The following EPC1 variants were observed in gnomAD, a reference collection of about 807,000 sequenced individuals.
EPC1 encodes the protein enhancer of polycomb 1.
In EPC1, 12 loss-of-function variants were observed where a neutral mutation model predicts 98.4. The ratio of observed to expected loss-of-function variants is 0.12; its 90% CI spans 0.08 to 0.20. The LOEUF is 0.20. EPC1 is among the 10% of genes least tolerant of loss of function. The pLI is 1.00. For synonymous variants in EPC1, 357 were observed against 363.9 expected (o/e 0.98, Z 0.21); for missense variants, 729 against 990.5 (o/e 0.74, Z 3.54).
At chr10:32,332,148 G>T (rs1837675549) in intron 1 of EPC1, among the ~76,000 whole-genome samples, 1 of 152,194 alleles carries the variant, frequency 6.6e-6, no homozygotes, top group Non-Finnish European at 1.5e-5. Flanking sequence ...TGTTGCAAAG[G>T]AAACAATCAT....
chr10:32,285,066 A>C lies in EPC1; in HGVS notation c.1392-16T>G, dbSNP rs1377456795. 6.3e-7 allele frequency: 1 copy of C among 1,578,402 alleles called. No homozygotes were observed. The highest frequency in any genetic ancestry group is 8.6e-7 in the Non-Finnish European group (1 of 1,156,980). Reference sequence around the variant, plus strand: ...CAGTAAGACCCTATTAAAAAATCAGACAAGAAACAGTTATTTAAAATAGCT... The same window carrying C: ...CAGTAAGACCCTATTAAAAAATCAGCCAAGAAACAGTTATTTAAAATAGCT... On this transcript the variant is annotated splice_polypyrimidine_tract_variant and intron_variant, in intron 9 of 13. Coordinates refer to ENST00000319778, the MANE Select transcript of EPC1 (RefSeq NM_001272004.3).
chr10:32,325,464 A>G (rs1837216887), intron 1 of EPC1, among the ~76,000 whole-genome samples: 1 of 152,242 alleles, frequency 6.6e-6, no homozygotes, highest in Non-Finnish European at 1.5e-5. Flanking sequence ...TAATTTCCAC[A>G]GGAAGGGGCT....
chr10:32,281,346 A>G (rs945367880), intron 10 of EPC1, among the ~76,000 whole-genome samples: 1 of 151,810 alleles, frequency 6.6e-6, no homozygotes, highest in East Asian at 1.9e-4. Context: ...GCCTGGCCTG[A>G]CTCTTCTGTT....
intron 1 of EPC1, among the ~76,000 whole-genome samples, chr10:32,343,500 C>T (rs750563235): frequency 6.6e-6 from 1 of 152,212 alleles, no homozygotes; most frequent in Non-Finnish European, 1.5e-5. Flanking sequence ...CGTGAGCCAC[C>T]GCATCCTGCC....
intron 2 of EPC1, among the ~76,000 whole-genome samples, chr10:32,299,385 C>T (rs1239611085): frequency 6.6e-6 from 1 of 152,010 alleles, no homozygotes; most frequent in East Asian, 1.9e-4. Flanking sequence ...GGGATTTTAC[C>T]ATGTTGGCCG....
intron 1 of EPC1, among the ~76,000 whole-genome samples, chr10:32,356,131 G>A (rs548169536): frequency 1.6e-4 from 24 of 152,166 alleles, no homozygotes; most frequent in Non-Finnish European, 3.2e-4. Flanking sequence ...AGGGCTTCGA[G>A]AGAGAAAATA....
intron 2 of EPC1, among the ~76,000 whole-genome samples, chr10:32,298,586 A>T (rs992493122): frequency 1.3e-5 from 2 of 152,206 alleles, no homozygotes; most frequent in African/African-American, 4.8e-5. Context: ...CTATGGGGTG[A>T]TAGGTATTTG....
chr10:32,327,838 G>A (rs1458715209), intron 1 of EPC1, among the ~76,000 whole-genome samples: 2 of 152,106 alleles, frequency 1.3e-5, no homozygotes, highest in Non-Finnish European at 2.9e-5. Context: ...TAACTTTGGG[G>A]GACACCAGAG....
chr10:32,302,076 G>A (rs780737520), intron 2 of EPC1, among the ~76,000 whole-genome samples: 21 of 151,108 alleles, frequency 1.4e-4, no homozygotes, highest in Admixed American at 2.6e-4. Flanking sequence ...GATCGAGACC[G>A]TCCTAGCTAA....
intron 1 of EPC1, among the ~76,000 whole-genome samples, chr10:32,368,661 A>T (rs1458505199): frequency 1.3e-5 from 2 of 152,244 alleles, no homozygotes; most frequent in African/African-American, 4.8e-5. Flanking sequence ...TTAACAGAGT[A>T]CTTGGAGAAG....
chr10:32,362,558 G>A (rs991344986), intron 1 of EPC1, among the ~76,000 whole-genome samples: 1 of 152,142 alleles, frequency 6.6e-6, no homozygotes, highest in Non-Finnish European at 1.5e-5. Context: ...CCCGGAAGCC[G>A]AGCAGATGCC....
At chr10:32,341,317 C>CTGTGTGTGTG (rs955653800) in intron 1 of EPC1, among the ~76,000 whole-genome samples, 3 of 102,620 alleles carry the variant, frequency 2.9e-5, no homozygotes, top group Non-Finnish European at 4.4e-5. Context: ...GGACACATGT[C>CTGTGTGTGTG]TGTGTGTGTG....
Position 32,272,065 on chromosome 10 carries a change from C to A in EPC1, c.1966G>T (p.Val656Leu). ...LMGFKMKDDVVLGIGVNGVLP... is the reference protein window; with the variant it reads ...LMGFKMKDDVLLGIGVNGVLP... ...ACGCCATTCACCCCGATTCCAAGCA[C>A]CACATCATCCTTCATCTTGAATCCC... The change falls in exon 12 of 14, where the codon GTG (valine) becomes TTG (leucine). Residue 656 changes from valine (V) to leucine (L), a missense_variant. Around this residue, in one of 6 missense-constraint regions of EPC1, gnomAD observed 156 missense variants for 188.9 expected, o/e 0.83. Coordinates refer to ENST00000319778, the MANE Select transcript of EPC1 (RefSeq NM_001272004.3). The A allele has an allele frequency of 3.7e-6, 6 of 1,613,958 alleles. No homozygotes were observed. The highest frequency in any genetic ancestry group is 2.2e-5 in the East Asian group (1 of 44,890).
Position 32,347,043 on chromosome 10 carries a change from G to C in EPC1, c.-128C>G, listed in dbSNP as rs7897530. ...ACTTGAGGGGCGGAGCGCAGAGCCC[G>C]CCGTCCGGGCACTAACACCAGCCGG... is the stretch of plus-strand genomic sequence containing the variant. On this transcript the variant is annotated 5_prime_UTR_variant, in exon 1 of 14. Coordinates refer to ENST00000319778, the MANE Select transcript of EPC1 (RefSeq NM_001272004.3). 0.12 allele frequency: 174,600 copies of C among 1,471,198 alleles called. 11,045 individuals carry two copies. Among genetic ancestry groups the C allele is most frequent in the Non-Finnish European group, 0.13 (145,796 of 1,117,178 alleles). 91.1% of individuals were successfully genotyped at this position (1,471,198 alleles called of 1,614,324 possible).
chr10:32,277,432 A>T (rs1836160789), intron 10 of EPC1, among the ~76,000 whole-genome samples: 2 of 152,226 alleles, frequency 1.3e-5, no homozygotes, highest in South Asian at 2.1e-4. Flanking sequence ...ATACATAGAC[A>T]AACTTTCTAA....
At chr10:32,330,087 C>T (rs1837551192) in intron 1 of EPC1, among the ~76,000 whole-genome samples, 1 of 152,158 alleles carries the variant, frequency 6.6e-6, no homozygotes. Context: ...TATATAATGC[C>T]ACTTTGAAAA....
chr10:32,349,455 A>C (rs1440170898), upstream of EPC1, among the ~76,000 whole-genome samples: 1 of 152,140 alleles, frequency 6.6e-6, no homozygotes. Flanking sequence ...CTGCTAAGAG[A>C]CACCTTTTTC....
intron 1 of EPC1, among the ~76,000 whole-genome samples, chr10:32,323,080 G>A (rs1837029453): frequency 6.6e-6 from 1 of 151,024 alleles, no homozygotes; most frequent in Non-Finnish European, 1.5e-5. Flanking sequence ...TTGTATGCTT[G>A]TATCAAAATA....
chr10:32,377,503 A>G (rs1303367265), intron 1 of EPC1: 1 of 152,248 alleles, frequency 6.6e-6, no homozygotes, highest in Non-Finnish European at 1.5e-5. Flanking sequence ...CAGATCAGAT[A>G]AAACAACTGC....
Sources: allele counts gnomAD v4.1 joint callset (sites outside exome capture counted in the v4.1 genomes callset), GRCh38; gene constraint gnomAD v4.1.1; regional missense constraint gnomAD v4.1.1; transcripts MANE v1.5; gene names NCBI Gene and HGNC (gene_info 2026-07-23, HGNC 2026-07-21).